SLC10A7: variants seen among roughly 807,000 people sequenced by gnomAD.
SLC10A7 encodes sodium/bile acid cotransporter 7.
In SLC10A7, 29 loss-of-function variants were observed where a neutral mutation model predicts 43.2. The ratio of observed to expected loss-of-function variants is 0.67; its 90% CI spans 0.50 to 0.92. SLC10A7 has a LOEUF of 0.92. SLC10A7 is among the 40% of genes least tolerant of loss of function. The pLI is 0.00. For missense variants in SLC10A7, 295 were observed against 403.2 expected (o/e 0.73, Z 2.30); for synonymous variants, 152 against 144.8 (o/e 1.05, Z -0.35).
intron 7 of SLC10A7, among the ~76,000 whole-genome samples, chr4:146,297,445 C>T (rs1298886607): frequency 6.6e-6 from 1 of 152,126 alleles, no homozygotes; most frequent in East Asian, 1.9e-4. Context: ...TGTTGATTCA[C>T]TGAGATAGAT....
intron 7 of SLC10A7, among the ~76,000 whole-genome samples, chr4:146,303,409 G>A (rs1731294053): frequency 7.6e-6 from 1 of 131,090 alleles, no homozygotes; most frequent in Non-Finnish European, 1.6e-5. Context: ...AAAGAGTCTT[G>A]CTCTGTTGCC....
intron 5 of SLC10A7, among the ~76,000 whole-genome samples, chr4:146,350,465 GC>G (rs1001027168): frequency 7.1e-6 from 1 of 140,988 alleles, no homozygotes; most frequent in African/African-American, 2.8e-5. Flanking sequence ...AGGGGCGCCC[GC>G]CATTGCCCAG....
intron 5 of SLC10A7, among the ~76,000 whole-genome samples, chr4:146,378,995 C>T (rs528958026): frequency 2.0e-5 from 3 of 152,208 alleles, no homozygotes; most frequent in South Asian, 2.1e-4. Flanking sequence ...CAAACAGAGC[C>T]TTTCAGGGTA....
intron 5 of SLC10A7, among the ~76,000 whole-genome samples, chr4:146,423,736 C>T (rs1399250329): frequency 6.6e-6 from 1 of 152,180 alleles, no homozygotes; most frequent in Non-Finnish European, 1.5e-5. Flanking sequence ...GAATATCATA[C>T]ATTTATTCCA....
At chr4:146,402,916 A>G (rs1300014943) in intron 5 of SLC10A7, among the ~76,000 whole-genome samples, 2 of 152,206 alleles carry the variant, frequency 1.3e-5, no homozygotes, top group African/African-American at 4.8e-5. Flanking sequence ...CAAGAGCCAG[A>G]TTGTCTGAAT....
chr4:146,412,538 G>A (rs978132187), intron 5 of SLC10A7, among the ~76,000 whole-genome samples: 2 of 152,028 alleles, frequency 1.3e-5, no homozygotes, highest in African/African-American at 2.4e-5. Flanking sequence ...AAAATTTTAT[G>A]TATATCAACA....
chr4:146,267,134 T>A (rs1293050009), intron 10 of SLC10A7, among the ~76,000 whole-genome samples: 3 of 152,214 alleles, frequency 2.0e-5, no homozygotes, highest in Admixed American at 2.0e-4. Flanking sequence ...TGCAGCACTG[T>A]CGTATGAAAA....
intron 5 of SLC10A7, among the ~76,000 whole-genome samples, chr4:146,390,857 C>T (rs1429745317): frequency 6.7e-6 from 1 of 150,206 alleles, no homozygotes; most frequent in Non-Finnish European, 1.5e-5. Context: ...TCCAGACATA[C>T]AGAAAAGTTA....
At chr4:146,473,198 G>T (rs965813562) in intron 4 of SLC10A7, among the ~76,000 whole-genome samples, 1 of 152,112 alleles carries the variant, frequency 6.6e-6, no homozygotes, top group Non-Finnish European at 1.5e-5. Context: ...AAAAGTTGTG[G>T]ACAGATTACT....
chr4:146,436,735 G>T (rs1389700911), intron 5 of SLC10A7, among the ~76,000 whole-genome samples: 1 of 152,050 alleles, frequency 6.6e-6, no homozygotes, highest in Non-Finnish European at 1.5e-5. Context: ...TTTGGTGCTG[G>T]TGCTAATTTC....
intron 5 of SLC10A7, among the ~76,000 whole-genome samples, chr4:146,399,545 C>T (rs1739077772): frequency 6.6e-6 from 1 of 152,036 alleles, no homozygotes; most frequent in African/African-American, 2.4e-5. Context: ...AATTACAGCA[C>T]AAGAGGCAAA....
At chr4:146,420,824 A>G (rs1003942108) in intron 5 of SLC10A7, among the ~76,000 whole-genome samples, 4 of 152,056 alleles carry the variant, frequency 2.6e-5, no homozygotes, top group African/African-American at 9.7e-5. Flanking sequence ...TGAGAGTTGA[A>G]GACCAGCCTA....
chr4:146,427,692 T>G (rs372672009), intron 5 of SLC10A7, among the ~76,000 whole-genome samples: 9 of 152,294 alleles, frequency 5.9e-5, no homozygotes, highest in African/African-American at 1.9e-4. Context: ...AAAAGAAACA[T>G]TTAACCTACT....
intron 4 of SLC10A7, among the ~76,000 whole-genome samples, chr4:146,458,220 A>C (rs1009456365): frequency 6.6e-6 from 1 of 151,810 alleles, no homozygotes; most frequent in African/African-American, 2.4e-5. Context: ...ATGAAAAAAG[A>C]AAAAAACATA....
At chr4:146,423,559 C>T (rs1729108668) in intron 5 of SLC10A7, among the ~76,000 whole-genome samples, 1 of 152,092 alleles carries the variant, frequency 6.6e-6, no homozygotes, top group Non-Finnish European at 1.5e-5. Flanking sequence ...ATAAAATCTA[C>T]ATCAAAATTG....
intron 10 of SLC10A7, among the ~76,000 whole-genome samples, chr4:146,260,178 C>T (rs114275473): frequency 0.023 from 3,327 of 141,904 alleles, 111 homozygotes; most frequent in African/African-American, 0.082. Flanking sequence ...TTTATACTAA[C>T]ATAAAAAATG....
intron 5 of SLC10A7, among the ~76,000 whole-genome samples, chr4:146,350,204 G>T (rs941948008): frequency 2.0e-5 from 3 of 149,434 alleles, no homozygotes; most frequent in South Asian, 2.2e-4. Context: ...GCAGGGCGAG[G>T]CATTGCCTCA....
At chr4:146,482,938 T>G (rs1469207282) in intron 4 of SLC10A7, among the ~76,000 whole-genome samples, 2 of 152,058 alleles carry the variant, frequency 1.3e-5, no homozygotes, top group African/African-American at 4.8e-5. Context: ...GAATGATATA[T>G]TCAAAGTACT....
intron 5 of SLC10A7, among the ~76,000 whole-genome samples, chr4:146,365,580 C>T (rs1289938097): frequency 1.3e-5 from 2 of 152,166 alleles, no homozygotes; most frequent in East Asian, 1.9e-4. Flanking sequence ...AATATTACTA[C>T]ACTTAATGGT....
Sources: allele counts gnomAD v4.1 joint callset (sites outside exome capture counted in the v4.1 genomes callset), GRCh38; gene constraint gnomAD v4.1.1; transcripts MANE v1.5; gene names NCBI Gene and HGNC (gene_info 2026-07-23, HGNC 2026-07-21).